STK4: variants seen among roughly 807,000 people sequenced by gnomAD.
STK4 encodes the protein serine/threonine kinase 4.
A neutral mutation model predicts 64.9 loss-of-function variants in STK4; 30 were observed. The ratio of observed to expected loss-of-function variants is 0.46; its 90% CI spans 0.35 to 0.63. The LOEUF (loss-of-function observed/expected upper bound fraction) is 0.63. Among genes scored for constraint, STK4 ranks in the 20% least tolerant of loss-of-function variants. The probability of loss-of-function intolerance (pLI) is 0.01; values close to 1 mark genes in which losing one functional copy is unlikely to be tolerated. For synonymous variants in STK4, 177 were observed against 199.0 expected, an observed-to-expected ratio of 0.89 and a Z score of 0.93; for missense variants, 466 against 598.5, an observed-to-expected ratio of 0.78 and a Z score of 2.31.
At chr20:45,006,007 T>C (rs1486600575) in intron 9 of STK4, among the ~76,000 whole-genome samples, 4 of 151,876 alleles carry the variant, frequency 2.6e-5, no homozygotes, top group Non-Finnish European at 5.9e-5. Flanking sequence ...TGTTCTTTTC[T>C]AGATGATTTA....
intron 10 of STK4, among the ~76,000 whole-genome samples, chr20:45,027,791 C>T (rs894153579): frequency 2.0e-5 from 3 of 152,274 alleles, no homozygotes; most frequent in Admixed American, 6.5e-5. Flanking sequence ...CACTGCTAAC[C>T]GTCATTCTAC....
intron 10 of STK4, among the ~76,000 whole-genome samples, chr20:45,064,695 T>A (rs1028119283): frequency 6.6e-6 from 1 of 152,222 alleles, no homozygotes; most frequent in African/African-American, 2.4e-5. Flanking sequence ...CCCTGGTATT[T>A]TATTTTTTTG....
intron 10 of STK4, among the ~76,000 whole-genome samples, chr20:45,059,472 T>G (rs1260284308): frequency 6.6e-6 from 1 of 152,144 alleles, no homozygotes; most frequent in East Asian, 1.9e-4. Flanking sequence ...CAACAGTCCA[T>G]TTGATAACCA....
chr20:45,019,591 A>G (rs945968535), intron 9 of STK4, among the ~76,000 whole-genome samples: 5 of 152,240 alleles, frequency 3.3e-5, no homozygotes, highest in Non-Finnish European at 2.9e-5. Context: ...TGCTGCTTAC[A>G]AAGAAAAATA....
rs535157911 is a variant in STK4, at chr20:45,011,179, T to C, written c.1147+9826T>C. The stretch of plus-strand genomic sequence containing the variant: ...TTGAATAAGGGCTCTAGAATAGCCT[T>C]GTTTACCTCCCCAAACAGCAGGACA... On this transcript the variant is annotated intron_variant, in intron 9 of 10. Transcript: ENST00000372806. Among the ~76,000 whole-genome samples, 13 of 152,268 alleles carry C rather than the reference T, an allele frequency of 8.5e-5. No homozygotes were observed. In the South Asian group the frequency reaches 2.7e-3, roughly 32 times the overall value.
intron 10 of STK4, among the ~76,000 whole-genome samples, chr20:45,069,672 C>A (rs1204758060): frequency 6.6e-6 from 1 of 152,188 alleles, no homozygotes; most frequent in African/African-American, 2.4e-5. Flanking sequence ...TCTTAGCACC[C>A]ATCCAGAACC....
chr20:45,039,277 A>G (rs1261070500), intron 10 of STK4, among the ~76,000 whole-genome samples: 1 of 152,152 alleles, frequency 6.6e-6, no homozygotes, highest in African/African-American at 2.4e-5. Flanking sequence ...TCATTCAGTT[A>G]CATGGATCTT....
intron 9 of STK4, among the ~76,000 whole-genome samples, chr20:45,004,191 G>A (rs2067892434): frequency 6.6e-6 from 1 of 151,906 alleles, no homozygotes; most frequent in Non-Finnish European, 1.5e-5. Flanking sequence ...TGCCTTCTGA[G>A]TTCAAGTGAT....
At chr20:44,999,578 C>T (rs1019626419) in intron 7 of STK4, among the ~76,000 whole-genome samples, 2 of 152,134 alleles carry the variant, frequency 1.3e-5, no homozygotes, top group Admixed American at 6.5e-5. Context: ...GCTACAAATA[C>T]AAACAATAAA....
intron 2 of STK4, among the ~76,000 whole-genome samples, chr20:44,976,399 G>A (rs75508136): frequency 0.059 from 9,033 of 152,246 alleles, 381 homozygotes; most frequent in Non-Finnish European, 0.096. Flanking sequence ...GGAAAGACAC[G>A]AGCCCTCAGA....
At chr20:45,051,458 T>G (rs2068775524) in intron 10 of STK4, among the ~76,000 whole-genome samples, 1 of 152,212 alleles carries the variant, frequency 6.6e-6, no homozygotes, top group Non-Finnish European at 1.5e-5. Context: ...TCATTGTTAT[T>G]GTATCTTTTA....
chr20:45,002,544 T>C (rs2067859847), intron 9 of STK4, among the ~76,000 whole-genome samples: 1 of 152,194 alleles, frequency 6.6e-6, no homozygotes, highest in Non-Finnish European at 1.5e-5. Flanking sequence ...CCCTTTTGGA[T>C]TACAGATTTG....
intron 9 of STK4, among the ~76,000 whole-genome samples, chr20:45,004,014 G>A (rs1186908482): frequency 3.3e-5 from 5 of 151,618 alleles, no homozygotes; most frequent in South Asian, 4.2e-4. Context: ...CACTGTTCCC[G>A]GCCTCTAAAA....
chr20:44,991,599 A>T (rs1160811333), intron 5 of STK4, among the ~76,000 whole-genome samples: 1 of 151,994 alleles, frequency 6.6e-6, no homozygotes, highest in Non-Finnish European at 1.5e-5. Context: ...ATTATTGGCC[A>T]TTTATAAAAA....
In STK4 at chr20:45,079,662, A is replaced by G. The variant is rs756492916; in HGVS notation, c.*4486A>G. The stretch of plus-strand genomic sequence containing the variant: ...AAAAAAAAGCTTAAATGTTTTTGCT[A>G]TGTACAGTTTAAAAATGTGAAGTTT... On this transcript the variant is annotated 3_prime_UTR_variant, in exon 11 of 11. Coordinates refer to ENST00000372806, the MANE Select transcript of STK4 (RefSeq NM_006282.5). The G allele has an allele frequency of 2.3e-4, 35 of 152,586 alleles. No homozygotes were observed. Among genetic ancestry groups the G allele is most frequent in the Non-Finnish European group, 4.7e-4 (32 of 68,018 alleles). The allele number at this position is 152,586 out of a possible 1,614,324, so 9.5% of individuals were successfully genotyped here.
chr20:45,017,514 A>G (rs1600480556), intron 9 of STK4, among the ~76,000 whole-genome samples: 2 of 152,324 alleles, frequency 1.3e-5, no homozygotes, highest in South Asian at 2.1e-4. Flanking sequence ...ATGTGTTTTC[A>G]TTATTCAGGT....
intron 10 of STK4, among the ~76,000 whole-genome samples, chr20:45,049,389 A>T (rs1375983223): frequency 6.6e-6 from 1 of 152,200 alleles, no homozygotes; most frequent in Non-Finnish European, 1.5e-5. Context: ...TTATTCCTAG[A>T]TATGCAGGAC....
intron 10 of STK4, among the ~76,000 whole-genome samples, chr20:45,065,335 G>T (rs760230711): frequency 6.6e-6 from 1 of 152,044 alleles, no homozygotes; most frequent in Non-Finnish European, 1.5e-5. Flanking sequence ...TTTATGTGCC[G>T]CTGGATTCGA....
chr20:45,055,015 T>C (rs1978348008), intron 10 of STK4, among the ~76,000 whole-genome samples: 1 of 152,030 alleles, frequency 6.6e-6, no homozygotes, highest in Non-Finnish European at 1.5e-5. Context: ...AATAGCAATA[T>C]AAGCATCAAA....
Sources: allele counts gnomAD v4.1 joint callset (sites outside exome capture counted in the v4.1 genomes callset), GRCh38; gene constraint gnomAD v4.1.1; transcripts MANE v1.5; gene names NCBI Gene and HGNC (gene_info 2026-07-23, HGNC 2026-07-21).